ZNF609: variants seen among roughly 807,000 people sequenced by gnomAD.
The protein encoded by ZNF609 is zinc finger protein 609.
In ZNF609, 11 loss-of-function variants were observed where a neutral mutation model predicts 109.5. The observed-to-expected ratio is 0.10, with a 90% CI of 0.06 to 0.17. The LOEUF is 0.17. ZNF609 is among the 10% of genes least tolerant of loss of function. The pLI is 1.00. For synonymous variants in ZNF609, 646 were observed against 662.0 expected, an observed-to-expected ratio of 0.98 and a Z score of 0.37; for missense variants, 1,559 against 1,772.4, an observed-to-expected ratio of 0.88 and a Z score of 2.16.
chr15:64,608,879 C>G (rs1895658275), intron 2 of ZNF609, among the ~76,000 whole-genome samples: 1 of 151,914 alleles, frequency 6.6e-6, no homozygotes, highest in Non-Finnish European at 1.5e-5. Flanking sequence ...GCTGGGACAA[C>G]AGGCATGTGC....
Position 64,482,824 on chromosome 15 carries a change from A to G in ZNF609, c.-127-16469A>G, listed in dbSNP as rs193033673. On this transcript the variant is annotated intron_variant, in intron 1 of 9. Transcript: ENST00000326648. The stretch of plus-strand genomic sequence containing the variant: ...GGAAGGTCAGACCAAAGACTGCTTG[A>G]AAACTTTAGTCATGGAGTGTCAGAA... 3.3e-5 allele frequency among the ~76,000 whole-genome samples: 5 copies of G among 152,330 alleles called. No homozygotes were observed. The East Asian group carries it at 9.6e-4, about 29-fold the overall frequency.
Position 64,525,400 on chromosome 15 carries a change from G to A in ZNF609, c.747+25234G>A, listed in dbSNP as rs145935754. Among the ~76,000 whole-genome samples, 44 of 152,216 alleles carry A rather than the reference G, an allele frequency of 2.9e-4. 1 individual carries two copies. The highest frequency in any genetic ancestry group is 1.1e-3 in the African/African-American group (44 of 41,546). Reference sequence around the variant, plus strand: ...AAATTAATTGACCATAAATGTATGGGTTTTTATCTAGACTCTCAGTTTTGT... The same window carrying A: ...AAATTAATTGACCATAAATGTATGGATTTTTATCTAGACTCTCAGTTTTGT... On this transcript the variant is annotated intron_variant, in intron 2 of 9. Coordinates refer to ENST00000326648, the MANE Select transcript of ZNF609 (RefSeq NM_015042.2).
In ZNF609 at chr15:64,540,801, G is replaced by C. The variant is rs573203084; in HGVS notation, c.747+40635G>C. ...TCCCAGCACTTTGGGAGGCTGAGGTGGGCGGATCACGAGGTCAAGAGATCG... is the reference window on the plus strand; with the variant it reads ...TCCCAGCACTTTGGGAGGCTGAGGTCGGCGGATCACGAGGTCAAGAGATCG... On this transcript the variant is annotated intron_variant, in intron 2 of 9. Transcript: ENST00000326648. Among the ~76,000 whole-genome samples the C allele has an allele frequency of 1.2e-3, 175 of 141,846 alleles. No homozygotes were observed. In the Middle Eastern group the frequency reaches 0.018, roughly 14 times the overall value. 93.1% of individuals were successfully genotyped at this position (141,846 alleles called of 152,430 possible). A position where few individuals can be genotyped will look rare whatever the true frequency, so the allele number is the denominator to read the frequency against.
rs756937951 is a variant in ZNF609 at position 64,611,760 on chromosome 15, C to CT, written c.748-11063dup. Among the ~76,000 whole-genome samples, 13 of 149,528 alleles carry CT rather than the reference C, an allele frequency of 8.7e-5. No homozygotes were observed. The East Asian group carries it at 2.5e-3, about 29-fold the overall frequency. ...TCTTTTTTTTTTTTTGAGATGGAGTCTTTTGCTTTGTTGCCCAGGCTGGAG... is the reference window on the plus strand; with the variant it reads ...TCTTTTTTTTTTTTTGAGATGGAGTCTTTTTGCTTTGTTGCCCAGGCTGGAG... On this transcript the variant is annotated intron_variant, in intron 2 of 9. Coordinates refer to ENST00000326648, the MANE Select transcript of ZNF609 (RefSeq NM_015042.2).
At chr15:64,460,523 G>A (rs934688951), upstream of ZNF609, among the ~76,000 whole-genome samples, 6 of 152,114 alleles carry the variant, frequency 3.9e-5, no homozygotes, top group Non-Finnish European at 7.4e-5. Context: ...ACACAAGCGC[G>A]GAATCCGGAT....
chr15:64,534,626 T>C (rs1052241516), intron 2 of ZNF609, among the ~76,000 whole-genome samples: 1 of 152,144 alleles, frequency 6.6e-6, no homozygotes, highest in Admixed American at 6.5e-5. Context: ...TGTTAACTTT[T>C]TTATACCATA....
chr15:64,525,182 A>G (rs1893952727), intron 2 of ZNF609, among the ~76,000 whole-genome samples: 1 of 152,126 alleles, frequency 6.6e-6, no homozygotes, highest in African/African-American at 2.4e-5. Flanking sequence ...TCTGGATACT[A>G]GTGTTTTCTA....
intron 4 of ZNF609, among the ~76,000 whole-genome samples, chr15:64,671,079 G>A (rs1161355181): frequency 6.6e-6 from 1 of 150,750 alleles, no homozygotes; most frequent in African/African-American, 2.4e-5. Context: ...GCGTGGTGGC[G>A]AGCGTTTGTA....
intron 2 of ZNF609, among the ~76,000 whole-genome samples, chr15:64,595,946 A>C (rs1356758804): frequency 6.6e-6 from 1 of 152,158 alleles, no homozygotes. Context: ...ACTTTGGATA[A>C]GTGGGCTGTC....
At chr15:64,496,514 T>C (rs891175268) in intron 1 of ZNF609, among the ~76,000 whole-genome samples, 9 of 152,212 alleles carry the variant, frequency 5.9e-5, no homozygotes, top group African/African-American at 1.9e-4. Flanking sequence ...TTCTCTATCA[T>C]GGAAATTCAG....
At chr15:64,580,972 T>C (rs1895093224) in intron 2 of ZNF609, among the ~76,000 whole-genome samples, 1 of 143,880 alleles carries the variant, frequency 7.0e-6, no homozygotes, top group African/African-American at 2.6e-5. Flanking sequence ...TTTTTTTTTT[T>C]TTTTTTTTTT....
chr15:64,589,765 T>G (rs907836941), intron 2 of ZNF609, among the ~76,000 whole-genome samples: 12 of 152,226 alleles, frequency 7.9e-5, no homozygotes, highest in Non-Finnish European at 1.8e-4. Flanking sequence ...TACTTTTTTG[T>G]GAGATTTTTC....
chr15:64,523,864 T>C (rs1433643188), intron 2 of ZNF609, among the ~76,000 whole-genome samples: 1 of 152,144 alleles, frequency 6.6e-6, no homozygotes, highest in African/African-American at 2.4e-5. Context: ...CTGGGTAGAA[T>C]TTCAACTTTT....
At chr15:64,648,036 C>T (rs1896360284) in intron 3 of ZNF609, among the ~76,000 whole-genome samples, 2 of 152,218 alleles carry the variant, frequency 1.3e-5, no homozygotes, top group Admixed American at 6.5e-5. Flanking sequence ...ACCTGCTTCT[C>T]AGCCCAAAAT....
At chr15:64,504,497 A>C (rs914469573) in intron 2 of ZNF609, among the ~76,000 whole-genome samples, 4 of 152,126 alleles carry the variant, frequency 2.6e-5, no homozygotes, top group Non-Finnish European at 5.9e-5. Context: ...TTCGAGATGG[A>C]GACTCACTCT....
chr15:64,624,410 G>A (rs1000187093), intron 3 of ZNF609, among the ~76,000 whole-genome samples: 4 of 152,024 alleles, frequency 2.6e-5, no homozygotes, highest in African/African-American at 4.8e-5. Flanking sequence ...AGACATATCC[G>A]GACCATATCT....
chr15:64,591,769 G>A (rs1895302405), intron 2 of ZNF609, among the ~76,000 whole-genome samples: 1 of 151,086 alleles, frequency 6.6e-6, no homozygotes, highest in African/African-American at 2.4e-5. Context: ...TCACTAGGCT[G>A]GAGTGCAGTG....
intron 2 of ZNF609, among the ~76,000 whole-genome samples, chr15:64,595,463 AG>A (rs1895379277): frequency 6.6e-6 from 1 of 151,518 alleles, no homozygotes; most frequent in Non-Finnish European, 1.5e-5. Flanking sequence ...CAAGAGAGGG[AG>A]GGTTTGAAAT....
chr15:64,487,719 G>A (rs879365009), intron 1 of ZNF609, among the ~76,000 whole-genome samples: 8 of 151,724 alleles, frequency 5.3e-5, no homozygotes, highest in Admixed American at 3.9e-4. Context: ...TGCAACCTCC[G>A]CCTCCTGGGT....
Sources: allele counts gnomAD v4.1 joint callset (sites outside exome capture counted in the v4.1 genomes callset), GRCh38; gene constraint gnomAD v4.1.1; transcripts MANE v1.5; gene names NCBI Gene and HGNC (gene_info 2026-07-23, HGNC 2026-07-21).